The following SCHIP1 variants were observed in gnomAD, a reference collection of about 807,000 sequenced individuals.
SCHIP1 encodes the protein schwannomin interacting protein 1.
A neutral mutation model predicts 29.7 loss-of-function variants in SCHIP1; 8 were observed. The ratio of observed to expected loss-of-function variants is 0.27; its 90% CI spans 0.16 to 0.49. The LOEUF is 0.49. Ranked by LOEUF, SCHIP1 falls within the 20% of genes least tolerant of loss-of-function variation. The pLI is 0.99. For missense variants in SCHIP1, 193 were observed against 294.6 expected, an observed-to-expected ratio of 0.66 and a Z score of 2.52; for synonymous variants, 76 against 94.9, an observed-to-expected ratio of 0.80 and a Z score of 1.16.
the SCHIP1 span, among the ~76,000 whole-genome samples, chr3:159,654,000 T>C: frequency 6.6e-6 from 1 of 152,192 alleles, no homozygotes; most frequent in Non-Finnish European, 1.5e-5. Flanking sequence ...CTATCTAAAA[T>C]ATACTATCAT....
chr3:159,598,481 G>C, the SCHIP1 span, among the ~76,000 whole-genome samples: 1 of 152,284 alleles, frequency 6.6e-6, no homozygotes, highest in Admixed American at 6.5e-5. Flanking sequence ...CCACAATCCA[G>C]TGGGACAGTC....
chr3:159,587,384 TAA>T, the SCHIP1 span, among the ~76,000 whole-genome samples: 1 of 146,008 alleles, frequency 6.8e-6, no homozygotes, highest in Non-Finnish European at 1.5e-5. Context: ...ACAATTGCTT[TAA>T]AAAAAAAAAA....
the SCHIP1 span, among the ~76,000 whole-genome samples, chr3:159,612,588 A>C: frequency 2.0e-5 from 3 of 152,222 alleles, no homozygotes; most frequent in African/African-American, 7.2e-5. Flanking sequence ...CTCTACTAAA[A>C]GTAGAAAAAT....
the SCHIP1 span, among the ~76,000 whole-genome samples, chr3:159,719,134 A>G: frequency 3.5e-3 from 536 of 152,334 alleles, 6 homozygotes; most frequent in African/African-American, 0.012. Flanking sequence ...AAATGGGGAA[A>G]GGATTCCCTA....
At chr3:159,846,471 A>T (rs1711855209) in intron 1 of SCHIP1, among the ~76,000 whole-genome samples, 1 of 152,318 alleles carries the variant, frequency 6.6e-6, no homozygotes, top group African/African-American at 2.4e-5. Context: ...ATCCCTATCG[A>T]CACCAGGACA....
the SCHIP1 span, among the ~76,000 whole-genome samples, chr3:159,820,333 A>T: frequency 3.9e-5 from 6 of 152,196 alleles, no homozygotes; most frequent in African/African-American, 1.4e-4. Flanking sequence ...TAATCAAAAT[A>T]AGTATTAGGA....
At chr3:159,451,175 G>T in the SCHIP1 span, among the ~76,000 whole-genome samples, 1 of 152,172 alleles carries the variant, frequency 6.6e-6, no homozygotes, top group Non-Finnish European at 1.5e-5. Flanking sequence ...AATAAGCTAA[G>T]ATTTTGTCAC....
intron 5 of SCHIP1, among the ~76,000 whole-genome samples, chr3:159,889,494 G>T (rs1172386190): frequency 6.6e-6 from 1 of 152,186 alleles, no homozygotes; most frequent in Non-Finnish European, 1.5e-5. Flanking sequence ...CAAGGTGATT[G>T]GTCATGCAGA....
chr3:159,620,370 C>G, the SCHIP1 span, among the ~76,000 whole-genome samples: 366 of 152,264 alleles, frequency 2.4e-3, 2 homozygotes, highest in African/African-American at 8.2e-3. Flanking sequence ...ACTAAGAACT[C>G]CATGATAGGC....
the SCHIP1 span, among the ~76,000 whole-genome samples, chr3:159,464,836 G>T: frequency 3.3e-5 from 5 of 152,182 alleles, no homozygotes; most frequent in African/African-American, 1.2e-4. Flanking sequence ...TCTTCTCTAT[G>T]GTGTTGCTTT....
the SCHIP1 span, among the ~76,000 whole-genome samples, chr3:159,377,013 G>A: frequency 1.3e-5 from 2 of 152,140 alleles, no homozygotes; most frequent in Non-Finnish European, 2.9e-5. Context: ...TTGTAATACC[G>A]AAGTTGAATC....
At chr3:159,474,490 G>T in the SCHIP1 span, among the ~76,000 whole-genome samples, 1 of 152,050 alleles carries the variant, frequency 6.6e-6, no homozygotes, top group Non-Finnish European at 1.5e-5. Context: ...TATTGGTTAA[G>T]TTCTGCATTT....
chr3:159,405,114 A>C, the SCHIP1 span, among the ~76,000 whole-genome samples: 1 of 152,170 alleles, frequency 6.6e-6, no homozygotes, highest in Non-Finnish European at 1.5e-5. Flanking sequence ...GGCTGCAGTG[A>C]CCAAAATCTT....
chr3:159,492,748 G>A, the SCHIP1 span, among the ~76,000 whole-genome samples: 73 of 152,210 alleles, frequency 4.8e-4, no homozygotes, highest in African/African-American at 1.7e-3. Flanking sequence ...GAAATACAGA[G>A]AATGCCACAA....
chr3:159,674,912 C>T, the SCHIP1 span, among the ~76,000 whole-genome samples: 8 of 152,272 alleles, frequency 5.3e-5, no homozygotes, highest in South Asian at 6.2e-4. Flanking sequence ...GCAGTATCTA[C>T]GGAGTTTAAG....
the SCHIP1 span, among the ~76,000 whole-genome samples, chr3:159,504,005 G>A: frequency 7.2e-5 from 11 of 152,180 alleles, no homozygotes; most frequent in Admixed American, 6.6e-4. Flanking sequence ...TGCCTTCTAT[G>A]CTGCACCAGA....
chr3:159,876,740 A>ATAT, intron 2 of SCHIP1, among the ~76,000 whole-genome samples: 1 of 152,344 alleles, frequency 6.6e-6, no homozygotes, highest in Admixed American at 6.5e-5. Flanking sequence ...TTTCTTGTGC[A>ATAT]CAAAAAGAGG....
the SCHIP1 span, among the ~76,000 whole-genome samples, chr3:159,634,430 T>C: frequency 1.8e-4 from 28 of 152,246 alleles, no homozygotes; most frequent in African/African-American, 6.3e-4. Flanking sequence ...AGAATTCAAG[T>C]TTTTCCAGCC....
At chr3:159,402,094 A>G in the SCHIP1 span, among the ~76,000 whole-genome samples, 3 of 152,310 alleles carry the variant, frequency 2.0e-5, no homozygotes, top group Non-Finnish European at 4.4e-5. Context: ...GAAAAAAACA[A>G]ACAACCCCAT....
Sources: gnomAD v4.1 joint callset for allele counts (sites outside exome capture counted in the v4.1 genomes callset) on GRCh38, gnomAD v4.1.1 for gene constraint, MANE v1.5 for transcripts, NCBI Gene and HGNC (gene_info 2026-07-23, HGNC 2026-07-21) for gene names.